The following PDE2A variants were observed in gnomAD, a reference collection of about 807,000 sequenced individuals.
PDE2A encodes the protein cGMP-dependent 3',5'-cyclic phosphodiesterase.
Under a neutral mutation model 133.6 loss-of-function variants are expected in PDE2A, and 53 were observed. The ratio of observed to expected loss-of-function variants is 0.40; its 90% CI spans 0.32 to 0.50. The LOEUF (loss-of-function observed/expected upper bound fraction) is 0.50, where lower values mean the gene tolerates loss of function less well. Ranked by LOEUF, PDE2A falls within the 20% of genes least tolerant of loss-of-function variation. PDE2A has a pLI of 0.73. For synonymous variants in PDE2A, 491 were observed against 490.2 expected, an observed-to-expected ratio of 1.00 and a Z score of -0.02; for missense variants, 796 against 1,232.4, an observed-to-expected ratio of 0.65 and a Z score of 5.30.
rs572795839 is a variant in PDE2A, at chr11:72,607,052, G to T, written c.234+1610C>A. Among the ~76,000 whole-genome samples the T allele has an allele frequency of 7.2e-5, 11 of 152,278 alleles. No individual in the cohort carries two copies. The South Asian group carries it at 2.3e-3, about 32-fold the overall frequency. On this transcript the variant is annotated intron_variant, in intron 3 of 30. Coordinates refer to ENST00000334456, the MANE Select transcript of PDE2A (RefSeq NM_002599.5). The stretch of plus-strand genomic sequence containing the variant: ...CCCATCTCTGCTTCCCTCCCTGGGG[G>T]CAGCAGAGCAGACCTCAGCTCCCTT...
At chr11:72,580,833 G>A (rs1048979722) in intron 24 of PDE2A, 53 bp downstream of exon 24, 1 of 1,158,580 alleles carries the variant, frequency 8.6e-7, no homozygotes, top group East Asian at 2.3e-5. Context: ...GAGAGGATGA[G>A]ACTCCCAGAC....
rs1287188175 is a variant in PDE2A at position 72,635,949 on chromosome 11, C to T, written c.144+6305G>A. The T allele has an allele frequency of 2.5e-6, 3 of 1,187,408 alleles. No individual in the cohort carries two copies. The Admixed American group carries it at 7.3e-5, about 29-fold the overall frequency. 73.6% of individuals were successfully genotyped at this position (1,187,408 alleles called of 1,614,324 possible). ...CGGCCACCCGACCTTCCCGCTCCCC[C>T]TCCACACCACGAGATCTCAGCCCCT... On this transcript the variant is annotated intron_variant, in intron 2 of 30. Transcript: ENST00000334456.
intron 1 of PDE2A, among the ~76,000 whole-genome samples, chr11:72,655,643 A>T (rs1227599817): frequency 6.6e-6 from 1 of 152,180 alleles, no homozygotes; most frequent in African/African-American, 2.4e-5. Context: ...GAGCCTATGC[A>T]AGTCACTTAA....
At chr11:72,668,440 T>C (rs1424082597) in intron 1 of PDE2A, 1 of 716,044 alleles carries the variant, frequency 1.4e-6, no homozygotes, top group Non-Finnish European at 2.6e-6. Flanking sequence ...TGTGAACATG[T>C]GAGAAGTCGT....
chr11:72,615,234 C>T (rs1381662010), intron 2 of PDE2A: 1 of 326,408 alleles, frequency 3.1e-6, no homozygotes, highest in South Asian at 2.3e-5. Context: ...TCCGCCCCGG[C>T]CTCTCGCCCT....
chr11:72,672,172 CTT>C (rs34720752), intron 1 of PDE2A, among the ~76,000 whole-genome samples: 51 of 148,730 alleles, frequency 3.4e-4, no homozygotes, highest in Admixed American at 1.3e-3. Flanking sequence ...TTTTCTTCTT[CTT>C]TTTTTTTTTC....
At chr11:72,608,123 C>G (rs989510187) in intron 3 of PDE2A, among the ~76,000 whole-genome samples, 1 of 152,180 alleles carries the variant, frequency 6.6e-6, no homozygotes, top group African/African-American at 2.4e-5. Flanking sequence ...ACCTGCAACT[C>G]ATCCATGGTA....
At chr11:72,634,259 C>T (rs1216374025) in intron 2 of PDE2A, among the ~76,000 whole-genome samples, 2 of 152,100 alleles carry the variant, frequency 1.3e-5, no homozygotes, top group Non-Finnish European at 1.5e-5. Flanking sequence ...CTGCCGGGGA[C>T]AATGGAGCCT....
chr11:72,668,400 A>C, intron 1 of PDE2A: 1 of 718,600 alleles, frequency 1.4e-6, no homozygotes, highest in East Asian at 2.7e-5. Flanking sequence ...ACAGGTGTGG[A>C]AACAGTGCTC....
chr11:72,624,491 T>C (rs1857944152), intron 2 of PDE2A, among the ~76,000 whole-genome samples: 1 of 152,190 alleles, frequency 6.6e-6, no homozygotes, highest in South Asian at 2.1e-4. Context: ...CTCCATGTCA[T>C]GCCTTTGTTT....
intron 19 of PDE2A, among the ~76,000 whole-genome samples, chr11:72,583,826 T>TCAGG (rs2135282881): frequency 6.6e-6 from 1 of 152,194 alleles, no homozygotes; most frequent in South Asian, 2.1e-4. Flanking sequence ...GGGGATCATG[T>TCAGG]CAGGGACCTT....
chr11:72,624,357 G>C (rs1011375779), intron 2 of PDE2A, among the ~76,000 whole-genome samples: 1 of 152,140 alleles, frequency 6.6e-6, no homozygotes, highest in Non-Finnish European at 1.5e-5. Flanking sequence ...TCCCATGACA[G>C]TGTCCTACAC....
At chr11:72,631,084 TCGGTCGTCTCTA>T in intron 2 of PDE2A, 4 of 1,548,040 alleles carry the variant, frequency 2.6e-6, no homozygotes, top group Non-Finnish European at 3.5e-6. Flanking sequence ...TCACCTCCAG[TCGGTCGTCTCTA>T]CTCCCTGGGG....
At chr11:72,599,189 A>G (rs183757071) in intron 4 of PDE2A, among the ~76,000 whole-genome samples, 105 of 152,172 alleles carry the variant, frequency 6.9e-4, no homozygotes, top group Non-Finnish European at 1.2e-3. Flanking sequence ...CCACCCCTGG[A>G]CTGGAGCTGC....
In PDE2A at chr11:72,590,336, C is replaced by T. The variant is rs775440153; in HGVS notation, c.703+91G>A. On this transcript the variant is annotated intron_variant, in intron 8 of 30. Coordinates refer to ENST00000334456, the MANE Select transcript of PDE2A (RefSeq NM_002599.5). The surrounding 1 kb of genome is among the most constrained non-coding windows in gnomAD (Gnocchi z 4.8). ...GCCGCTCAGCTCCGCGCCGGGCCCG[C>T]CGCCGGCTCCCGGGATCGCCTAACC... 72 of 1,538,094 alleles carry T rather than the reference C, an allele frequency of 4.7e-5. No individual in the cohort carries two copies. Among genetic ancestry groups the T allele is most frequent in the Middle Eastern group, 1.7e-4 (1 of 5,930 alleles).
chr11:72,650,215 G>T (rs1309036450), intron 1 of PDE2A, among the ~76,000 whole-genome samples: 5 of 152,046 alleles, frequency 3.3e-5, no homozygotes, highest in Non-Finnish European at 7.4e-5. Context: ...TAGAGGCAGG[G>T]TTTCACCATG....
chr11:72,660,397 GTGTT>G (rs1555004789), intron 1 of PDE2A, among the ~76,000 whole-genome samples: 1 of 152,170 alleles, frequency 6.6e-6, no homozygotes, highest in Non-Finnish European at 1.5e-5. Flanking sequence ...CACACAGGAG[GTGTT>G]TGTTTCACTA....
intron 18 of PDE2A, 49 bp downstream of exon 18, chr11:72,584,502 G>A (rs1265328566): frequency 1.3e-6 from 2 of 1,537,612 alleles, no homozygotes; most frequent in Non-Finnish European, 1.8e-6. Context: ...GCTCGGACCC[G>A]CCCCGCCCGG....
chr11:72,635,364 A>G (rs1052830764), intron 2 of PDE2A, among the ~76,000 whole-genome samples: 2 of 152,214 alleles, frequency 1.3e-5, no homozygotes, highest in African/African-American at 4.8e-5. Flanking sequence ...ATAACTGAAC[A>G]TTGACATTAA....
Sources: allele counts gnomAD v4.1 joint callset (sites outside exome capture counted in the v4.1 genomes callset), GRCh38; gene constraint gnomAD v4.1.1; non-coding constraint Gnocchi (gnomAD v3.1); transcripts MANE v1.5; gene names NCBI Gene and HGNC (gene_info 2026-07-23, HGNC 2026-07-21).